Variants in SLIT3 observed in about 807,000 individuals in gnomAD.
SLIT3 encodes the protein slit homolog 3 protein.
Under a neutral mutation model 184.0 loss-of-function variants are expected in SLIT3, and 68 were observed. That is an observed-to-expected ratio of 0.37 (90% CI 0.30 to 0.45). SLIT3 has a LOEUF of 0.45. SLIT3 is among the 20% of genes least tolerant of loss of function. The pLI, the probability that SLIT3 is intolerant of heterozygous loss-of-function variation, is 1.00. For synonymous variants in SLIT3, 831 were observed against 828.6 expected (o/e 1.00, Z -0.05); for missense variants, 1,707 against 2,026.0 (o/e 0.84, Z 3.02).
At chr5:169,163,203 C>A (rs1762533939) in intron 4 of SLIT3, among the ~76,000 whole-genome samples, 1 of 152,026 alleles carries the variant, frequency 6.6e-6, no homozygotes, top group Non-Finnish European at 1.5e-5. Flanking sequence ...TGCCTGTAAT[C>A]CCAGCTACTC....
In SLIT3 at chr5:168,748,433, G is replaced by A; in HGVS notation, c.2139C>T (p.Gly713=). 1 of 1,523,672 alleles carries A rather than the reference G, an allele frequency of 6.6e-7. No individual in the cohort carries two copies. Among genetic ancestry groups the A allele is most frequent in the African/African-American group, 1.5e-5 (1 of 68,872 alleles). 94.4% of individuals were successfully genotyped at this position (1,523,672 alleles called of 1,614,324 possible). A position where few individuals can be genotyped will look rare whatever the true frequency, so the allele number is the denominator to read the frequency against. The stretch of plus-strand genomic sequence containing the variant: ...TCAGCTGGCAGCTACTCTCCTCGTT[G>A]CCTGTGGAGAGCCCCAGAGAGGGTG... ...DVAIQDFTCD[G]NEESSCQLSP... The change falls in exon 20 of 36, where the codon GGC becomes GGT. Residue 713 remains glycine, a splice_region_variant and synonymous_variant. Transcript: ENST00000519560.
At chr5:169,123,289 T>C (rs567174758) in intron 4 of SLIT3, among the ~76,000 whole-genome samples, 4 of 152,266 alleles carry the variant, frequency 2.6e-5, no homozygotes, top group Admixed American at 2.6e-4. Flanking sequence ...AGAAGAATGG[T>C]GAAATCATTG....
intron 4 of SLIT3, among the ~76,000 whole-genome samples, chr5:168,965,878 T>C (rs1361189027): frequency 1.3e-5 from 2 of 152,182 alleles, no homozygotes; most frequent in Non-Finnish European, 2.9e-5. Context: ...CTCTCTGTAC[T>C]TCATCCTACC....
intron 3 of SLIT3, among the ~76,000 whole-genome samples, chr5:169,193,962 G>A (rs1470637572): frequency 2.6e-5 from 4 of 152,086 alleles, no homozygotes; most frequent in South Asian, 2.1e-4. Flanking sequence ...GGCCAGGCAC[G>A]GTGGCTTACG....
chr5:168,821,549 T>C (rs1165385842), intron 7 of SLIT3, among the ~76,000 whole-genome samples: 3 of 152,258 alleles, frequency 2.0e-5, no homozygotes, highest in Non-Finnish European at 4.4e-5. Context: ...AAAATTCCAT[T>C]ACTGCACTAC....
At chr5:168,740,859 G>A (rs1416058145) in intron 20 of SLIT3, among the ~76,000 whole-genome samples, 4 of 152,168 alleles carry the variant, frequency 2.6e-5, no homozygotes, top group African/African-American at 4.8e-5. Context: ...AAGCATTCAC[G>A]GGCTATCGTC....
chr5:168,740,447 T>C (rs556107280), intron 20 of SLIT3, among the ~76,000 whole-genome samples: 1 of 152,190 alleles, frequency 6.6e-6, no homozygotes, highest in Non-Finnish European at 1.5e-5. Flanking sequence ...TTTTTCTTGG[T>C]GAATTAAACT....
At chr5:169,236,259 C>T (rs529466585) in intron 3 of SLIT3, among the ~76,000 whole-genome samples, 6 of 152,296 alleles carry the variant, frequency 3.9e-5, no homozygotes, top group African/African-American at 1.4e-4. Context: ...ACATACTCCC[C>T]AAATTGTGGG....
intron 4 of SLIT3, among the ~76,000 whole-genome samples, chr5:169,032,419 T>C (rs1405018677): frequency 6.6e-6 from 1 of 152,164 alleles, no homozygotes; most frequent in Non-Finnish European, 1.5e-5. Flanking sequence ...ACTTTAATCT[T>C]TAGAACAATC....
At chr5:168,740,571 A>G (rs1763594741) in intron 20 of SLIT3, among the ~76,000 whole-genome samples, 1 of 152,192 alleles carries the variant, frequency 6.6e-6, no homozygotes, top group African/African-American at 2.4e-5. Context: ...TCTCTGAACC[A>G]GAGGCTCCCA....
chr5:168,731,798 C>A (rs1053675580), intron 20 of SLIT3, among the ~76,000 whole-genome samples: 26 of 152,076 alleles, frequency 1.7e-4, no homozygotes, highest in African/African-American at 6.0e-4. Context: ...AAGGAACATA[C>A]CTCAAATAAT....
intron 4 of SLIT3, among the ~76,000 whole-genome samples, chr5:169,101,780 T>A (rs1365412947): frequency 1.3e-5 from 2 of 152,212 alleles, no homozygotes; most frequent in Admixed American, 6.5e-5. Flanking sequence ...CTGGCTACCC[T>A]CACCACAGGG....
In SLIT3 at chr5:168,692,660, C is replaced by G. The variant is rs777961394; in HGVS notation, c.3123G>C (p.Glu1041Asp). ...TGGCCTCATGCTGACAGAGGTTCAG[C>G]TCAGGCACACAGTGGTCAATCACCT... ...CDEVIDHCVP[E>D]LNLCQHEAKC... Residue 1041 changes from glutamate to aspartate, a missense_variant, in exon 29 of 36, where the codon GAG (glutamate) becomes GAC (aspartate). Transcript: ENST00000519560. The G allele has an allele frequency of 3.7e-5, 60 of 1,614,020 alleles. No individual in the cohort carries two copies. The highest frequency in any genetic ancestry group is 5.1e-5 in the Non-Finnish European group (60 of 1,180,002).
At chr5:168,999,852 A>C (rs913730781) in intron 4 of SLIT3, among the ~76,000 whole-genome samples, 1 of 152,188 alleles carries the variant, frequency 6.6e-6, no homozygotes, top group African/African-American at 2.4e-5. Flanking sequence ...GGGAAGACCC[A>C]TGCAAAAGTG....
At chr5:168,875,795 GA>G (rs756340263) in intron 5 of SLIT3, among the ~76,000 whole-genome samples, 2 of 151,952 alleles carry the variant, frequency 1.3e-5, no homozygotes, top group African/African-American at 2.4e-5. Context: ...GAAAGGAAGG[GA>G]AAGAGAAGGG....
intron 4 of SLIT3, among the ~76,000 whole-genome samples, chr5:169,158,484 C>G (rs1450831285): frequency 2.6e-5 from 4 of 151,652 alleles, no homozygotes; most frequent in African/African-American, 9.7e-5. Context: ...AAAAAAAAAT[C>G]CTCTAAACAA....
At chr5:168,706,116 A>G (rs1380336671) in intron 26 of SLIT3, among the ~76,000 whole-genome samples, 4 of 152,228 alleles carry the variant, frequency 2.6e-5, no homozygotes, top group Non-Finnish European at 5.9e-5. Context: ...AACTAGCAAC[A>G]TACCACCTGT....
At chr5:169,088,853 C>G (rs59744474) in intron 4 of SLIT3, among the ~76,000 whole-genome samples, 1 of 151,518 alleles carries the variant, frequency 6.6e-6, no homozygotes, top group African/African-American at 2.4e-5. Context: ...AACCCTGTCT[C>G]TACTAGAAAT....
intron 4 of SLIT3, among the ~76,000 whole-genome samples, chr5:169,007,421 A>G (rs1310569871): frequency 6.6e-6 from 1 of 152,212 alleles, no homozygotes; most frequent in Non-Finnish European, 1.5e-5. Context: ...GAAGGGGTGG[A>G]ACATCAGGCA....
Sources: gnomAD v4.1 joint callset for allele counts (sites outside exome capture counted in the v4.1 genomes callset) on GRCh38, gnomAD v4.1.1 for gene constraint, MANE v1.5 for transcripts, NCBI Gene and HGNC (gene_info 2026-07-23, HGNC 2026-07-21) for gene names.